The following PSMC1 variants were observed in gnomAD, a reference collection of about 807,000 sequenced individuals.
PSMC1 encodes the protein proteasome 26S subunit, ATPase 1.
Under a neutral mutation model 49.8 loss-of-function variants are expected in PSMC1, and 5 were observed. That is an observed-to-expected ratio of 0.10 (90% CI 0.05 to 0.21). The LOEUF is 0.21. Among genes scored for constraint, PSMC1 ranks in the 10% least tolerant of loss-of-function variants. PSMC1 has a pLI of 1.00. For synonymous variants in PSMC1, 155 were observed against 192.1 expected, an observed-to-expected ratio of 0.81 and a Z score of 1.60; for missense variants, 181 against 535.7, an observed-to-expected ratio of 0.34 and a Z score of 6.54.
At chr14:90,270,561 A>G in intron 10 of PSMC1, 1 of 524,046 alleles carries the variant, frequency 1.9e-6, no homozygotes, top group Non-Finnish European at 3.1e-6. Flanking sequence ...AATGACGCTA[A>G]ATCACCTGGA....
At chr14:90,265,407 G>A (rs535895036) in intron 7 of PSMC1, among the ~76,000 whole-genome samples, 5 of 151,552 alleles carry the variant, frequency 3.3e-5, no homozygotes, top group African/African-American at 1.2e-4. Context: ...TTAGCTGGGC[G>A]TGGCCGGGCG....
Position 90,263,299 on chromosome 14 carries a change from CT to C in PSMC1, c.155-16del. 1 of 1,581,126 alleles carries C rather than the reference CT, an allele frequency of 6.3e-7. No individual in the cohort carries two copies. Among genetic ancestry groups the C allele is most frequent in the Non-Finnish European group, 8.6e-7 (1 of 1,169,546 alleles). ...ACTTCAGGGTCCACATATAATGAAA[CT>C]TTATATTTAAATTTCAGTGACACCT... On this transcript the variant is annotated intron_variant, in intron 3 of 10. Coordinates refer to ENST00000261303, the MANE Select transcript of PSMC1 (RefSeq NM_002802.3).
intron 3 of PSMC1, among the ~76,000 whole-genome samples, chr14:90,260,547 A>C (rs1309764265): frequency 2.0e-5 from 3 of 152,176 alleles, no homozygotes; most frequent in Admixed American, 6.5e-5. Context: ...CTGGCAAAAC[A>C]CGGTGAAACC....
chr14:90,259,336 C>T, intron 2 of PSMC1, 123 bp downstream of exon 2: 3 of 797,382 alleles, frequency 3.8e-6, no homozygotes, highest in Non-Finnish European at 6.0e-6. Flanking sequence ...AGTTTTTAAA[C>T]TAGCCTGTCC....
Position 90,256,612 on chromosome 14 carries a change from AG to A in PSMC1, c.3+15del. The A allele has an allele frequency of 6.3e-7, 1 of 1,589,558 alleles. No homozygotes were observed. Among genetic ancestry groups the A allele is most frequent in the Non-Finnish European group, 8.6e-7 (1 of 1,167,794 alleles). ...GCCAAGGCAAGATGGTGAGTGACTA[AG>A]GGTTTCTTTCCGCTGGTCGTCGCGG... On this transcript the variant is annotated intron_variant, in intron 1 of 10. Coordinates refer to ENST00000261303, the MANE Select transcript of PSMC1 (RefSeq NM_002802.3).
At chr14:90,266,784 T>C (rs1891527705) in intron 7 of PSMC1, among the ~76,000 whole-genome samples, 1 of 152,262 alleles carries the variant, frequency 6.6e-6, no homozygotes, top group Non-Finnish European at 1.5e-5. Flanking sequence ...GGAAAGGTCC[T>C]ATTTGTTTTC....
chr14:90,259,655 G>A (rs780560146), intron 2 of PSMC1, among the ~76,000 whole-genome samples: 3 of 151,948 alleles, frequency 2.0e-5, no homozygotes, highest in Non-Finnish European at 4.4e-5. Context: ...TTATTGAGAC[G>A]GAGTCACCCA....
At chr14:90,261,661 G>A (rs1304395083) in intron 3 of PSMC1, among the ~76,000 whole-genome samples, 2 of 152,172 alleles carry the variant, frequency 1.3e-5, no homozygotes, top group Non-Finnish European at 2.9e-5. Context: ...AACAGGTGCT[G>A]GAGAGGATGT....
rs1373359882 is a variant in PSMC1 at position 90,273,185 on chromosome 14, T to C, written c.*778T>C. On this transcript the variant is annotated 3_prime_UTR_variant, in exon 11 of 11. Transcript: ENST00000261303. ...CCCTTGACAGGTGGCCTGGTGTGGGTTGTAGGGCCCACACTGAATGAGGAG... is the reference window on the plus strand; with the variant it reads ...CCCTTGACAGGTGGCCTGGTGTGGGCTGTAGGGCCCACACTGAATGAGGAG... The C allele has an allele frequency of 6.6e-6, 1 of 152,170 alleles. No individual in the cohort carries two copies. The highest frequency in any genetic ancestry group is 1.5e-5 in the Non-Finnish European group (1 of 68,040). The allele number at this position is 152,170 out of a possible 1,614,324, so 9.4% of individuals were successfully genotyped here. A position where few individuals can be genotyped will look rare whatever the true frequency, so the allele number is the denominator to read the frequency against.
At position 90,270,259 on chromosome 14, in the gene PSMC1, T is replaced by C; in HGVS notation, c.1095T>C (p.Phe365=). 6.2e-7 allele frequency: 1 copy of C among 1,613,630 alleles called. No homozygotes were observed. The highest frequency in any genetic ancestry group is 8.5e-7 in the Non-Finnish European group (1 of 1,179,860). Residue 365 remains phenylalanine (F), a synonymous_variant, in exon 10 of 11, where the codon TTT becomes TTC. Coordinates refer to ENST00000261303, the MANE Select transcript of PSMC1 (RefSeq NM_002802.3). ...LPDEKTKKRI[F]QIHTSRMTLA... is the part of the protein sequence containing the mutation. ...ATGAAAAGACGAAGAAGCGCATCTT[T>C]CAGATTCACACAAGCAGGATGACGC...
At chr14:90,269,594 A>G (rs771970071) in intron 9 of PSMC1, 46 bp downstream of exon 9, 1 of 1,588,470 alleles carries the variant, frequency 6.3e-7, no homozygotes, top group Non-Finnish European at 8.6e-7. Flanking sequence ...GTGTTTATAT[A>G]TTTGTGTTTA....
At chr14:90,263,928 T>C (rs1242296298) in intron 5 of PSMC1, 81 bp downstream of exon 5, 3 of 1,589,124 alleles carry the variant, frequency 1.9e-6, no homozygotes, top group Non-Finnish European at 1.7e-6. Context: ...CCCGTGGAAG[T>C]AGATCACCAA....
chr14:90,260,143 T>C lies in PSMC1; in HGVS notation c.86T>C (p.Val29Ala). 6.2e-7 allele frequency: 1 copy of C among 1,608,916 alleles called. No individual in the cohort carries two copies. Among genetic ancestry groups the C allele is most frequent in the Non-Finnish European group, 8.5e-7 (1 of 1,178,668 alleles). ...KDKKKKYEPP[V>A]PTRVGKKKKK... ...AAGAAAAAGAAATATGAACCTCCTGTACCAACTAGAGTGGGGAAAAAGAAG... is the reference window on the plus strand; with the variant it reads ...AAGAAAAAGAAATATGAACCTCCTGCACCAACTAGAGTGGGGAAAAAGAAG... The change falls in exon 3 of 11, where the codon GTA (valine) becomes GCA (alanine). Residue 29 changes from valine (V) to alanine (A), a missense_variant. Physicochemically the swap from Val to Ala is moderately conservative, Grantham distance 64. Coordinates refer to ENST00000261303, the MANE Select transcript of PSMC1 (RefSeq NM_002802.3).
At chr14:90,269,000 A>G (rs1318803823) in intron 8 of PSMC1, 2 of 164,066 alleles carry the variant, frequency 1.2e-5, no homozygotes, top group Non-Finnish European at 1.3e-5. Context: ...AGAGGAGACA[A>G]ATGCTCAGGG....
In PSMC1 at chr14:90,266,242, G is replaced by A. The variant is rs868791436; in HGVS notation, c.691+1076G>A. Among the ~76,000 whole-genome samples, 35 of 150,718 alleles carry A rather than the reference G, an allele frequency of 2.3e-4. 1 individual carries two copies. The highest frequency in any genetic ancestry group is 7.6e-4 in the African/African-American group (31 of 40,772). The stretch of plus-strand genomic sequence containing the variant: ...TGCACTCCAGCCTGGGTGACAGAGC[G>A]AGACCATCTCCAAAAAAAAAAACAA... On this transcript the variant is annotated intron_variant, in intron 7 of 10. Transcript: ENST00000261303.
intron 3 of PSMC1, among the ~76,000 whole-genome samples, chr14:90,261,225 T>G (rs1305387687): frequency 6.6e-6 from 1 of 152,228 alleles, no homozygotes; most frequent in Non-Finnish European, 1.5e-5. Context: ...GTTCCCCCAG[T>G]TCTTCTCATG....
chr14:90,264,189 A>G lies in PSMC1; in HGVS notation c.594+20A>G. 6.2e-7 allele frequency: 1 copy of G among 1,610,582 alleles called. No individual in the cohort carries two copies. The highest frequency in any genetic ancestry group is 8.5e-7 in the Non-Finnish European group (1 of 1,179,208). Reference sequence around the variant, plus strand: ...ATTAAGGTATGATTGATTGGTAACCATCTCTGGGTTTCAGTTTTGGTTTCT... The same window carrying G: ...ATTAAGGTATGATTGATTGGTAACCGTCTCTGGGTTTCAGTTTTGGTTTCT... On this transcript the variant is annotated intron_variant, in intron 6 of 10. Coordinates refer to ENST00000261303, the MANE Select transcript of PSMC1 (RefSeq NM_002802.3).
intron 1 of PSMC1, among the ~76,000 whole-genome samples, chr14:90,258,800 C>T (rs4904660): frequency 0.99 from 150,508 of 152,356 alleles, 74,360 homozygotes; most frequent in Middle Eastern, 1. Flanking sequence ...AGCTTCAGTC[C>T]GGTAGTTTCC....
intron 7 of PSMC1, chr14:90,267,908 C>T: frequency 4.2e-6 from 1 of 237,356 alleles, no homozygotes; most frequent in Admixed American, 5.2e-5. Context: ...ATTCTTCGTA[C>T]AGGTAATTAT....
Sources: allele counts gnomAD v4.1 joint callset (sites outside exome capture counted in the v4.1 genomes callset), GRCh38; gene constraint gnomAD v4.1.1; transcripts MANE v1.5; gene names NCBI Gene and HGNC (gene_info 2026-07-23, HGNC 2026-07-21).